The following STK31 variants were observed in gnomAD, a reference collection of about 807,000 sequenced individuals.
The protein encoded by STK31 is serine/threonine-protein kinase 31.
STK31 carries 89 observed loss-of-function variants against 129.7 expected under a neutral mutation model. That is an observed-to-expected ratio of 0.69 (90% CI 0.58 to 0.82). STK31 has a LOEUF of 0.82. Ranked by LOEUF, STK31 falls within the 40% of genes least tolerant of loss-of-function variation. The pLI, the probability that STK31 is intolerant of heterozygous loss-of-function variation, is 0.00. For synonymous variants in STK31, 448 were observed against 395.3 expected (o/e 1.13, Z -1.58); for missense variants, 1,187 against 1,176.4 (o/e 1.01, Z -0.13).
chr7:23,822,104 T>C (rs1367941812), intron 23 of STK31, among the ~76,000 whole-genome samples: 5 of 152,234 alleles, frequency 3.3e-5, no homozygotes, highest in Non-Finnish European at 7.3e-5. Context: ...TGCTGATAAC[T>C]GTTTTGACTA....
intron 11 of STK31, among the ~76,000 whole-genome samples, chr7:23,764,825 C>T (rs1014081899): frequency 2.0e-5 from 3 of 151,902 alleles, no homozygotes; most frequent in Admixed American, 2.0e-4. Context: ...ATGTGTATCC[C>T]CCCCATGACA....
chr7:23,754,011 C>G (rs1488779900), intron 9 of STK31, among the ~76,000 whole-genome samples: 1 of 151,988 alleles, frequency 6.6e-6, no homozygotes, highest in Non-Finnish European at 1.5e-5. Flanking sequence ...TGCAGACTTT[C>G]GAAGTTGCCT....
intron 8 of STK31, among the ~76,000 whole-genome samples, chr7:23,738,103 C>T (rs1227268281): frequency 1.3e-5 from 2 of 152,050 alleles, no homozygotes; most frequent in Admixed American, 6.5e-5. Flanking sequence ...GCATATCTAC[C>T]CCCCCACTAT....
At chr7:23,827,229 T>TTTACC (rs1319423813) in intron 23 of STK31, among the ~76,000 whole-genome samples, 1 of 152,256 alleles carries the variant, frequency 6.6e-6, no homozygotes, top group East Asian at 1.9e-4. Context: ...CACTTTGAGG[T>TTTACC]ACACCAATTA....
chr7:23,829,804 G>T (rs1386036929), intron 23 of STK31, among the ~76,000 whole-genome samples: 1 of 152,156 alleles, frequency 6.6e-6, no homozygotes, highest in Non-Finnish European at 1.5e-5. Flanking sequence ...ACCAAATCCC[G>T]TTACTTGTTA....
chr7:23,765,521 T>TG (rs1050453135), intron 11 of STK31, among the ~76,000 whole-genome samples: 1 of 151,664 alleles, frequency 6.6e-6, no homozygotes, highest in African/African-American at 2.4e-5. Context: ...TTATCATCGT[T>TG]TCTTTTTCTC....
chr7:23,826,542 C>G (rs553025311), intron 23 of STK31, among the ~76,000 whole-genome samples: 9 of 152,310 alleles, frequency 5.9e-5, no homozygotes, highest in Non-Finnish European at 1.3e-4. Context: ...TGGGTCTTGA[C>G]TCTTTATCCA....
At position 23,824,914 on chromosome 7, in the gene STK31, A is replaced by G. The variant is rs867839646; in HGVS notation, c.2830-7222A>G. On this transcript the variant is annotated intron_variant, in intron 23 of 23. Coordinates refer to ENST00000355870, the MANE Select transcript of STK31 (RefSeq NM_031414.5). The stretch of plus-strand genomic sequence containing the variant: ...CTGGATTACGTTTATTGATTTTCAT[A>G]TGTTGAACCAGCCTTGCATCCCAGG... 1.9e-3 allele frequency among the ~76,000 whole-genome samples: 283 copies of G among 152,082 alleles called. 1 individual carries two copies. Among genetic ancestry groups the G allele is most frequent in the African/African-American group, 6.4e-3 (267 of 41,448 alleles).
chr7:23,808,933 C>G (rs1409414370), intron 22 of STK31, among the ~76,000 whole-genome samples: 6 of 59,402 alleles, frequency 1.0e-4, no homozygotes, highest in African/African-American at 2.8e-4. Flanking sequence ...GCAGGCTTTT[C>G]TTGGAGCTTT....
intron 8 of STK31, among the ~76,000 whole-genome samples, chr7:23,746,015 T>TG (rs1202498588): frequency 6.6e-6 from 1 of 152,234 alleles, no homozygotes; most frequent in Non-Finnish European, 1.5e-5. Context: ...CGCGGGTACT[T>TG]GCAGCCAGCT....
At chr7:23,752,628 A>G (rs1694435202) in intron 8 of STK31, 89 bp from the exon 9 acceptor site, 1 of 932,944 alleles carries the variant, frequency 1.1e-6, no homozygotes, top group South Asian at 1.4e-5. Flanking sequence ...GGCATGAGCC[A>G]CTGTGCCCAG....
intron 22 of STK31, among the ~76,000 whole-genome samples, chr7:23,805,544 G>A (rs922199978): frequency 3.9e-5 from 6 of 152,096 alleles, no homozygotes; most frequent in African/African-American, 1.4e-4. Flanking sequence ...GAGTGCAGTG[G>A]CACTATACAG....
chr7:23,774,485 G>C (rs1171915970), intron 15 of STK31, among the ~76,000 whole-genome samples: 1 of 152,196 alleles, frequency 6.6e-6, no homozygotes, highest in Non-Finnish European at 1.5e-5. Context: ...TAACTGGTAT[G>C]AGATCGTATC....
At position 23,762,892 on chromosome 7, in the gene STK31, C is replaced by T; in HGVS notation, c.1385C>T (p.Ser462Leu). 1 of 1,603,780 alleles carries T rather than the reference C, an allele frequency of 6.2e-7. No homozygotes were observed. The highest frequency in any genetic ancestry group is 8.5e-7 in the Non-Finnish European group (1 of 1,175,800). ...VEDFILEVDESSLNKRLKTLQ... is the reference protein window; with the variant it reads ...VEDFILEVDELSLNKRLKTLQ... ...GATTTTATTCTGGAAGTTGATGAGT[C>T]ATCTCTTAATAAACGCTTAAAAACA... Residue 462 changes from serine to leucine, a missense_variant, in exon 11 of 24, where the codon TCA becomes TTA. This residue lies in a region of STK31 where 975 missense variants were observed against 934.9 expected (regional missense o/e 1.04). Coordinates refer to ENST00000355870, the MANE Select transcript of STK31 (RefSeq NM_031414.5).
In STK31 at chr7:23,762,434, G is replaced by C. The variant is rs901684617; in HGVS notation, c.1294-367G>C. ...TGGACAAATTGGAGGGTTTATCCTG[G>C]TGTTTAAGTGTATCTTGAAGGATGA... On this transcript the variant is annotated intron_variant, in intron 10 of 23. Coordinates refer to ENST00000355870, the MANE Select transcript of STK31 (RefSeq NM_031414.5). 7.8e-4 allele frequency among the ~76,000 whole-genome samples: 118 copies of C among 152,146 alleles called. 1 individual carries two copies. The highest frequency in any genetic ancestry group is 7.6e-3 in the Admixed American group (116 of 15,272).
chr7:23,750,379 C>T (rs1276936018), intron 8 of STK31, among the ~76,000 whole-genome samples: 1 of 152,138 alleles, frequency 6.6e-6, no homozygotes, highest in Non-Finnish European at 1.5e-5. Context: ...CCCAGTGACC[C>T]TACCTATCTC....
chr7:23,828,408 A>G (rs1269172574), intron 23 of STK31, among the ~76,000 whole-genome samples: 2 of 152,226 alleles, frequency 1.3e-5, no homozygotes, highest in Non-Finnish European at 2.9e-5. Flanking sequence ...GCCGGATATA[A>G]TCTCCTGGTG....
chr7:23,773,234 CT>C (rs1790319172), intron 15 of STK31, among the ~76,000 whole-genome samples: 1 of 152,070 alleles, frequency 6.6e-6, no homozygotes, highest in Non-Finnish European at 1.5e-5. Flanking sequence ...TGATGTTCCC[CT>C]CCCTGTGTCC....
rs562569723 is a variant in STK31, at chr7:23,710,707, A to G, written c.50+372A>G. ...TTTTCATCACGAAGTGGAGATTTGG[A>G]CGTACTATTTTGTGATCTCTGTTTG... On this transcript the variant is annotated intron_variant, in intron 1 of 23. Transcript: ENST00000355870. The G allele has an allele frequency of 2.9e-4, 315 of 1,097,488 alleles. 1 individual carries two copies. The African/African-American group carries it at 4.7e-3, about 16-fold the overall frequency. The allele number at this position is 1,097,488 out of a possible 1,614,324, so 68.0% of individuals were successfully genotyped here.
Sources: allele counts gnomAD v4.1 joint callset (sites outside exome capture counted in the v4.1 genomes callset), GRCh38; gene constraint gnomAD v4.1.1; regional missense constraint gnomAD v4.1.1; transcripts MANE v1.5; gene names NCBI Gene and HGNC (gene_info 2026-07-23, HGNC 2026-07-21).